The following CBR4 variants were observed in gnomAD, a reference collection of about 807,000 sequenced individuals.
CBR4 encodes the protein 3-oxoacyl-[acyl-carrier-protein] reductase.
CBR4 carries 22 observed loss-of-function variants against 21.0 expected under a neutral mutation model. The observed-to-expected ratio is 1.05, with a 90% CI of 0.75 to 1.50. The LOEUF (loss-of-function observed/expected upper bound fraction) is 1.50, where lower values mean the gene tolerates loss of function less well. Among genes scored for constraint, CBR4 ranks in the 40% most tolerant of loss-of-function variants. The pLI, the probability that CBR4 is intolerant of heterozygous loss-of-function variation, is 0.00. For synonymous variants in CBR4, 100 were observed against 104.4 expected (o/e 0.96, Z 0.26); for missense variants, 302 against 286.3 (o/e 1.05, Z -0.40).
chr4:168,966,136 G>GA (rs1005623878), intron 2 of CBR4, among the ~76,000 whole-genome samples: 4 of 151,888 alleles, frequency 2.6e-5, no homozygotes, highest in African/African-American at 7.3e-5. Flanking sequence ...ACAAACATAC[G>GA]AAAAAAATGT....
At chr4:168,944,254 A>T (rs1763342375) in intron 2 of CBR4, among the ~76,000 whole-genome samples, 1 of 152,170 alleles carries the variant, frequency 6.6e-6, no homozygotes, top group African/African-American at 2.4e-5. Flanking sequence ...AGACCAGCTT[A>T]GGCAATGTAG....
At chr4:168,899,320 G>A (rs752726056) in intron 2 of CBR4, among the ~76,000 whole-genome samples, 15 of 152,062 alleles carry the variant, frequency 9.9e-5, no homozygotes, top group Admixed American at 7.2e-4. Flanking sequence ...TTAAAGGAAG[G>A]ACTAGAATAA....
At chr4:168,993,212 C>CTTTT (rs150721961) in intron 4 of CBR4, among the ~76,000 whole-genome samples, 5 of 139,420 alleles carry the variant, frequency 3.6e-5, no homozygotes, top group Admixed American at 7.1e-5. Flanking sequence ...ATGTATTTTC[C>CTTTT]TTTTTTTTTT....
At chr4:169,005,931 A>G (rs1730878908) in intron 3 of CBR4, 2 of 1,280,916 alleles carry the variant, frequency 1.6e-6, no homozygotes, top group Non-Finnish European at 2.0e-6. Context: ...AGGTATTACC[A>G]TTTGAAAATA....
Position 168,924,434 on chromosome 4 carries a change from A to G in CBR4, n.170-29669T>C, listed in dbSNP as rs766796340. The G allele has an allele frequency of 2.3e-5, 37 of 1,609,300 alleles. No individual in the cohort carries two copies. Among genetic ancestry groups the G allele is most frequent in the Non-Finnish European group, 2.7e-5 (32 of 1,175,798 alleles). ...TGACCGAGTGAGGTAAGACTGCACA[A>G]TGAGAACCTGATCCTTAACTGTTCA... On this transcript the variant is annotated intron_variant and non_coding_transcript_variant, in intron 2 of 3. Coordinates refer to the CBR4 transcript ENST00000509108.
Position 169,009,838 on chromosome 4 carries a change from C to T in CBR4, c.142+110G>A, listed in dbSNP as rs186583070. 1.8e-3 allele frequency: 1,862 copies of T among 1,040,960 alleles called. 6 individuals carry two copies. The highest frequency in any genetic ancestry group is 3.0e-3 in the Admixed American group (100 of 33,300). The allele number at this position is 1,040,960 out of a possible 1,614,324, so 64.5% of individuals were successfully genotyped here. A position where few individuals can be genotyped will look rare whatever the true frequency, so the allele number is the denominator to read the frequency against. On this transcript the variant is annotated intron_variant, in intron 1 of 4. Coordinates refer to ENST00000306193, the MANE Select transcript of CBR4 (RefSeq NM_032783.5). ...GGAGAGCGCCTGCACGCGGCTACAT[C>T]GAGTAACCCTAGAGCCCTAAAGGCC...
intron 2 of CBR4, among the ~76,000 whole-genome samples, chr4:168,974,070 T>C (rs1764295969): frequency 6.6e-6 from 1 of 152,244 alleles, no homozygotes; most frequent in African/African-American, 2.4e-5. Context: ...CAAGATTTTC[T>C]TTCAAGATTT....
intron 3 of CBR4, among the ~76,000 whole-genome samples, chr4:169,002,772 C>T (rs1335760169): frequency 6.8e-6 from 1 of 146,594 alleles, no homozygotes; most frequent in African/African-American, 2.5e-5. Context: ...AAATTGAAGG[C>T]TTGTAGCAAC....
intron 2 of CBR4, among the ~76,000 whole-genome samples, chr4:168,920,022 G>C (rs1045920947): frequency 6.6e-6 from 1 of 152,188 alleles, no homozygotes; most frequent in African/African-American, 2.4e-5. Flanking sequence ...TGTGGCTTCA[G>C]TCAGTAGATG....
intron 4 of CBR4, 88 bp downstream of exon 4, chr4:169,001,983 C>A: frequency 1.7e-6 from 2 of 1,191,340 alleles, no homozygotes; most frequent in East Asian, 2.7e-5. Flanking sequence ...ACTATTCTAC[C>A]CAGATGTCAA....
At chr4:169,000,625 G>T (rs1730352797) in intron 4 of CBR4, among the ~76,000 whole-genome samples, 1 of 152,094 alleles carries the variant, frequency 6.6e-6, no homozygotes, top group African/African-American at 2.4e-5. Context: ...TCTTATATAG[G>T]TGATTAATTC....
In CBR4 at chr4:168,906,591, CAATTAT is replaced by C. The variant is rs578036032; in HGVS notation, n.170-11832_170-11827del. The stretch of plus-strand genomic sequence containing the variant: ...TCACATTGTACCCCACAAATATATA[CAATTAT>C]AATTTATCAATTAGAATAAAAAAGA... On this transcript the variant is annotated intron_variant and non_coding_transcript_variant, in intron 2 of 3. Transcript: ENST00000509108. Among the ~76,000 whole-genome samples, 424 of 152,202 alleles carry C rather than the reference CAATTAT, an allele frequency of 2.8e-3. 7 individuals are homozygous for C. The highest frequency in any genetic ancestry group is 3.9e-3 in the Non-Finnish European group (267 of 68,018).
chr4:168,928,474 A>G (rs903384222), intron 2 of CBR4: 20 of 174,424 alleles, frequency 1.1e-4, no homozygotes, highest in Non-Finnish European at 1.9e-4. Context: ...TGTTGCTGCC[A>G]TAACAATTAG....
At chr4:169,006,921 A>G (rs2126873754) in intron 2 of CBR4, 30 bp from the exon 3 acceptor site, 2 of 1,577,856 alleles carry the variant, frequency 1.3e-6, no homozygotes, top group Non-Finnish European at 1.7e-6. Context: ...ATAATAGCAT[A>G]TAATAACAAG....
At position 168,900,813 on chromosome 4, in the gene CBR4, G is replaced by A. The variant is rs569010387; in HGVS notation, n.170-6048C>T. Reference sequence around the variant, plus strand: ...GTGTATTCACAACATGTTATCAAACGCATGTATTAAAAATAAATTTGTAGT... The same window carrying A: ...GTGTATTCACAACATGTTATCAAACACATGTATTAAAAATAAATTTGTAGT... On this transcript the variant is annotated intron_variant and non_coding_transcript_variant, in intron 2 of 3. Transcript: ENST00000509108. Among the ~76,000 whole-genome samples, 128 of 152,188 alleles carry A rather than the reference G, an allele frequency of 8.4e-4. 1 individual carries two copies. The highest frequency in any genetic ancestry group is 4.1e-3 in the South Asian group (20 of 4,824).
chr4:168,972,027 C>T (rs1235148215), intron 2 of CBR4, among the ~76,000 whole-genome samples: 1 of 152,198 alleles, frequency 6.6e-6, no homozygotes, highest in Non-Finnish European at 1.5e-5. Flanking sequence ...TATCTCAGCA[C>T]CATTTGTTGA....
chr4:168,989,063 T>C lies in CBR4; in HGVS notation c.*1087A>G. 4.1e-6 allele frequency: 4 copies of C among 985,028 alleles called. No homozygotes were observed. Among genetic ancestry groups the C allele is most frequent in the Non-Finnish European group, 4.8e-6 (4 of 829,538 alleles). The allele number at this position is 985,028 out of a possible 1,614,324, so 61.0% of individuals were successfully genotyped here. On this transcript the variant is annotated 3_prime_UTR_variant, in exon 5 of 5. Coordinates refer to ENST00000306193, the MANE Select transcript of CBR4 (RefSeq NM_032783.5). The stretch of plus-strand genomic sequence containing the variant: ...CTACTCCCAGGCAAATATTCTCACT[T>C]AAGACCAGTGCCTTCACTGCTTCTT...
In CBR4 at chr4:168,988,117, G is replaced by C. The variant is rs1764754965; in HGVS notation, c.*2033C>G. On this transcript the variant is annotated 3_prime_UTR_variant, in exon 5 of 5. Coordinates refer to ENST00000306193, the MANE Select transcript of CBR4 (RefSeq NM_032783.5). ...TTAAACCTCTGAACATAAGGCAACA[G>C]TTCACAACTGATTTCAGAAATAGAA... The C allele has an allele frequency of 3.0e-6, 3 of 985,160 alleles. No homozygotes were observed. Among genetic ancestry groups the C allele is most frequent in the African/African-American group, 3.5e-5 (2 of 57,206 alleles). 61.0% of individuals were successfully genotyped at this position (985,160 alleles called of 1,614,324 possible).
At chr4:168,898,636 G>A (rs867880065) in intron 2 of CBR4, 2 of 1,614,124 alleles carry the variant, frequency 1.2e-6, no homozygotes, top group Non-Finnish European at 1.7e-6. Context: ...TCTTTGAGAT[G>A]AAGCTGAAAC....
Sources: allele counts gnomAD v4.1 joint callset (sites outside exome capture counted in the v4.1 genomes callset), GRCh38; gene constraint gnomAD v4.1.1; transcripts MANE v1.5; gene names NCBI Gene and HGNC (gene_info 2026-07-23, HGNC 2026-07-21).